The following ZFPM2 variants were observed in gnomAD, a reference collection of about 807,000 sequenced individuals.
The protein encoded by ZFPM2 is zinc finger protein ZFPM2.
Under a neutral mutation model 98.6 loss-of-function variants are expected in ZFPM2, and 20 were observed. The observed-to-expected ratio is 0.20, with a 90% CI of 0.14 to 0.29. The LOEUF (loss-of-function observed/expected upper bound fraction) is 0.29, where lower values mean the gene tolerates loss of function less well. ZFPM2 is among the 10% of genes least tolerant of loss of function. The pLI, the probability that ZFPM2 is intolerant of heterozygous loss-of-function variation, is 1.00. For synonymous variants in ZFPM2, 518 were observed against 502.7 expected, an observed-to-expected ratio of 1.03 and a Z score of -0.41; for missense variants, 1,310 against 1,388.6, an observed-to-expected ratio of 0.94 and a Z score of 0.90.
rs113691795 is a variant in ZFPM2 at position 105,454,827 on chromosome 8, C to T, written c.301+10446C>T. On this transcript the variant is annotated intron_variant, in intron 3 of 7. Coordinates refer to ENST00000407775, the MANE Select transcript of ZFPM2 (RefSeq NM_012082.4). ...ACTTTTTGGAATAGTGAATTGGTGCCTTCACCCTCCAAAAGTGACTAAGAC... is the reference window on the plus strand; with the variant it reads ...ACTTTTTGGAATAGTGAATTGGTGCTTTCACCCTCCAAAAGTGACTAAGAC... Among the ~76,000 whole-genome samples the T allele has an allele frequency of 7.0e-3, 1,060 of 152,220 alleles. 7 individuals carry two copies. The highest frequency in any genetic ancestry group is 0.024 in the African/African-American group (1,011 of 41,540).
At chr8:105,700,229 C>T (rs1363877217) in intron 5 of ZFPM2, among the ~76,000 whole-genome samples, 2 of 152,178 alleles carry the variant, frequency 1.3e-5, no homozygotes, top group Non-Finnish European at 2.9e-5. Context: ...CAACCAGTGG[C>T]TATGGATTTT....
chr8:105,563,000 A>G (rs983318790), intron 4 of ZFPM2, among the ~76,000 whole-genome samples: 1 of 152,222 alleles, frequency 6.6e-6, no homozygotes, highest in Non-Finnish European at 1.5e-5. Context: ...AAAATGTTTC[A>G]TATTCCTTAG....
chr8:105,453,275 C>T (rs1287152084), intron 3 of ZFPM2, among the ~76,000 whole-genome samples: 1 of 152,036 alleles, frequency 6.6e-6, no homozygotes, highest in African/African-American at 2.4e-5. Flanking sequence ...TATGTTCTAC[C>T]AGAAATTGAA....
At chr8:105,469,667 A>G (rs187082661) in intron 3 of ZFPM2, among the ~76,000 whole-genome samples, 51 of 152,338 alleles carry the variant, frequency 3.3e-4, no homozygotes, top group Non-Finnish European at 1.3e-4. Context: ...AATAATAGTA[A>G]TTCTATCAGT....
intron 1 of ZFPM2, among the ~76,000 whole-genome samples, chr8:105,393,001 T>C (rs1321167786): frequency 1.3e-5 from 2 of 152,164 alleles, no homozygotes; most frequent in Non-Finnish European, 2.9e-5. Context: ...GAATAATAAC[T>C]GGAAGCCTGG....
In ZFPM2 at chr8:105,318,444, G is replaced by C. The variant is rs941077857; in HGVS notation, c.-498G>C. Among the ~76,000 whole-genome samples, 10 of 151,356 alleles carry C rather than the reference G, an allele frequency of 6.6e-5. No individual in the cohort carries two copies. Among genetic ancestry groups the C allele is most frequent in the African/African-American group, 2.2e-4 (9 of 41,330 alleles). On this transcript the variant is annotated 5_prime_UTR_variant, in exon 1 of 8. Transcript: ENST00000407775. ...CCTCGCCGCCTCCCGCCGCAGAACA[G>C]GAGCTGCGCGGCCCGGAGCGGCGGC...
At chr8:105,588,302 A>G (rs1188556105) in intron 4 of ZFPM2, among the ~76,000 whole-genome samples, 1 of 151,904 alleles carries the variant, frequency 6.6e-6, no homozygotes, top group East Asian at 1.9e-4. Context: ...ATCCACAATT[A>G]CCCCCAAAAT....
rs1359506192 is a variant in ZFPM2 at position 105,444,287 on chromosome 8, T to A, written c.207T>A (p.Asp69Glu). The part of the protein sequence containing the change: ...EVEYFCNKGD[D>E]EGIQETAESD... Reference sequence around the variant, plus strand: ...TGTGTTGGTGTTTTCCAGGTGATGATGAAGGAATCCAGGAGACAGCAGAAT... The same window carrying A: ...TGTGTTGGTGTTTTCCAGGTGATGAAGAAGGAATCCAGGAGACAGCAGAAT... The change falls in exon 3 of 8, where the codon GAT becomes GAA. Residue 69 changes from aspartate to glutamate, a missense_variant. By Grantham distance (45) the Asp-to-Glu change is conservative. Coordinates refer to ENST00000407775, the MANE Select transcript of ZFPM2 (RefSeq NM_012082.4). The A allele has an allele frequency of 6.2e-7, 1 of 1,610,004 alleles. No homozygotes were observed. Among genetic ancestry groups the A allele is most frequent in the Non-Finnish European group, 8.5e-7 (1 of 1,178,084 alleles).
At position 105,803,370 on chromosome 8, in the gene ZFPM2, A is replaced by G; in HGVS notation, c.3288A>G (p.Ser1096=). 2.5e-6 allele frequency: 4 copies of G among 1,612,760 alleles called. No homozygotes were observed. The highest frequency in any genetic ancestry group is 3.4e-6 in the Non-Finnish European group (4 of 1,179,030). The change falls in exon 8 of 8, where the codon TCA becomes TCG. Residue 1096 remains serine (S), a synonymous_variant. Coordinates refer to ENST00000407775, the MANE Select transcript of ZFPM2 (RefSeq NM_012082.4). ...ANENVSPGIP[S]AEEQLSSIAK... ...AGAATGTCTCACCAGGAATTCCCTC[A>G]GCAGAGGAACAGTTGTCTAGTATAG...
chr8:105,510,970 T>G (rs1813806737), intron 3 of ZFPM2, among the ~76,000 whole-genome samples: 1 of 152,226 alleles, frequency 6.6e-6, no homozygotes, highest in Non-Finnish European at 1.5e-5. Context: ...CTTGGGTATC[T>G]GTGGTCAGTC....
At chr8:105,546,919 CCTT>C (rs1180703753) in intron 3 of ZFPM2, among the ~76,000 whole-genome samples, 4 of 152,068 alleles carry the variant, frequency 2.6e-5, no homozygotes, top group Non-Finnish European at 5.9e-5. Flanking sequence ...TATATTTTCT[CCTT>C]ATTATCTACA....
chr8:105,357,198 C>A (rs1358750381), intron 1 of ZFPM2, among the ~76,000 whole-genome samples: 1 of 152,148 alleles, frequency 6.6e-6, no homozygotes, highest in African/African-American at 2.4e-5. Context: ...TCATATAAAT[C>A]TTTCTGATTG....
At chr8:105,764,569 T>C (rs910897292) in intron 5 of ZFPM2, among the ~76,000 whole-genome samples, 1 of 151,824 alleles carries the variant, frequency 6.6e-6, no homozygotes, top group East Asian at 1.9e-4. Context: ...ATTCAAAAAA[T>C]GTTGTAATAA....
chr8:105,555,684 T>A (rs1187932984), intron 3 of ZFPM2, among the ~76,000 whole-genome samples: 3 of 152,128 alleles, frequency 2.0e-5, no homozygotes, highest in Non-Finnish European at 4.4e-5. Context: ...AGGGAATAAT[T>A]TAATGCAAAA....
intron 5 of ZFPM2, among the ~76,000 whole-genome samples, chr8:105,639,720 C>T (rs1270963886): frequency 1.3e-5 from 2 of 152,094 alleles, no homozygotes; most frequent in South Asian, 4.1e-4. Flanking sequence ...GGTCATAAGT[C>T]AGTACACACT....
At chr8:105,671,610 A>T (rs1378453301) in intron 5 of ZFPM2, among the ~76,000 whole-genome samples, 1 of 152,040 alleles carries the variant, frequency 6.6e-6, no homozygotes, top group Non-Finnish European at 1.5e-5. Context: ...CTTCCTGTAA[A>T]TCTTGGAAAG....
chr8:105,352,985 T>A (rs1433380543), intron 1 of ZFPM2, among the ~76,000 whole-genome samples: 1 of 152,118 alleles, frequency 6.6e-6, no homozygotes, highest in African/African-American at 2.4e-5. Context: ...ATAAGATAAA[T>A]GTGTTGTATA....
chr8:105,752,191 T>C (rs1812493760), intron 5 of ZFPM2, among the ~76,000 whole-genome samples: 1 of 152,292 alleles, frequency 6.6e-6, no homozygotes, highest in Admixed American at 6.5e-5. Flanking sequence ...TAATATTCTT[T>C]TCTGTAATGT....
intron 2 of ZFPM2, among the ~76,000 whole-genome samples, chr8:105,434,524 T>A (rs913148886): frequency 4.6e-5 from 7 of 152,224 alleles, no homozygotes; most frequent in African/African-American, 1.7e-4. Context: ...ATTTTTCATC[T>A]CTTTTATGAC....
Sources: gnomAD v4.1 joint callset for allele counts (sites outside exome capture counted in the v4.1 genomes callset) on GRCh38, gnomAD v4.1.1 for gene constraint, MANE v1.5 for transcripts, NCBI Gene and HGNC (gene_info 2026-07-23, HGNC 2026-07-21) for gene names.